Variants in CHD9 observed in about 807,000 individuals in gnomAD.
The protein encoded by CHD9 is chromodomain helicase DNA binding protein 9.
A neutral mutation model predicts 316.1 loss-of-function variants in CHD9; 77 were observed. The ratio of observed to expected loss-of-function variants is 0.24; its 90% CI spans 0.20 to 0.29. CHD9 has a LOEUF of 0.29. Among genes scored for constraint, CHD9 ranks in the 10% least tolerant of loss-of-function variants. CHD9 has a pLI of 1.00. For synonymous variants in CHD9, 1,129 were observed against 1,158.3 expected (o/e 0.97, Z 0.51); for missense variants, 2,763 against 3,438.1 (o/e 0.80, Z 4.91).
At position 53,247,329 on chromosome 16, in the gene CHD9, C is replaced by T; in HGVS notation, c.3491C>T (p.Thr1164Ile). The change falls in exon 16 of 39, where the codon ACT (threonine) becomes ATT (isoleucine). Residue 1164 changes from threonine (T) to isoleucine (I), a missense_variant. Transcript: ENST00000447540. ...AAAATACTTGGAGAATTTAGAGATA[C>T]TTACAATCCAGCTGCTTCTGATTTT... The part of the protein sequence containing the change: ...EEKILGEFRD[T>I]YNPAASDFHL... 6.2e-7 allele frequency: 1 copy of T among 1,604,648 alleles called. No individual in the cohort carries two copies. The highest frequency in any genetic ancestry group is 8.5e-7 in the Non-Finnish European group (1 of 1,174,830).
At chr16:53,099,907 AAGTT>A (rs2036701564) in intron 1 of CHD9, among the ~76,000 whole-genome samples, 1 of 152,170 alleles carries the variant, frequency 6.6e-6, no homozygotes, top group Non-Finnish European at 1.5e-5. Flanking sequence ...TGGAAATGGA[AAGTT>A]AGGAGGCTGG....
intron 2 of CHD9, among the ~76,000 whole-genome samples, chr16:53,159,358 A>G (rs1162272551): frequency 6.6e-6 from 1 of 152,170 alleles, no homozygotes; most frequent in East Asian, 1.9e-4. Context: ...ACTTTCTACA[A>G]TTTTGTCGTG....
chr16:53,176,513 A>C (rs34880746), intron 2 of CHD9, among the ~76,000 whole-genome samples: 18,425 of 152,242 alleles, frequency 0.12, 1,297 homozygotes, highest in South Asian at 0.23. Context: ...TTGAATAATC[A>C]GGCCATTATT....
intron 1 of CHD9, among the ~76,000 whole-genome samples, chr16:53,083,420 A>G (rs894425186): frequency 3.9e-5 from 6 of 152,190 alleles, no homozygotes; most frequent in Non-Finnish European, 8.8e-5. Flanking sequence ...CAGCAAAAAG[A>G]TAATGCCAGA....
chr16:53,100,453 CT>C (rs61450186), intron 1 of CHD9, among the ~76,000 whole-genome samples: 17,845 of 129,584 alleles, frequency 0.14, 2,003 homozygotes, highest in African/African-American at 0.31. Context: ...ACTCATTCGT[CT>C]TTTTTTTTTT....
chr16:53,183,481 G>A (rs2043706150), intron 2 of CHD9, among the ~76,000 whole-genome samples: 1 of 152,170 alleles, frequency 6.6e-6, no homozygotes, highest in Admixed American at 6.5e-5. Context: ...GAGATTTGAA[G>A]CAAAAGAAGG....
At chr16:53,276,322 T>C (rs2052816996) in intron 24 of CHD9, among the ~76,000 whole-genome samples, 1 of 152,220 alleles carries the variant, frequency 6.6e-6, no homozygotes, top group African/African-American at 2.4e-5. Flanking sequence ...GCTGAATGAC[T>C]AACTTCAAAT....
At chr16:53,228,626 C>A (rs1044152304) in intron 7 of CHD9, among the ~76,000 whole-genome samples, 1 of 148,694 alleles carries the variant, frequency 6.7e-6, no homozygotes, top group Non-Finnish European at 1.5e-5. Context: ...CGGCTCACTG[C>A]AAGCTCGAAA....
chr16:53,284,411 T>C (rs965457904), intron 24 of CHD9, among the ~76,000 whole-genome samples: 1 of 151,756 alleles, frequency 6.6e-6, no homozygotes, highest in Non-Finnish European at 1.5e-5. Context: ...GTTGTGTGTA[T>C]ATAAATTGAT....
intron 1 of CHD9, among the ~76,000 whole-genome samples, chr16:53,109,493 C>T (rs2152605359): frequency 6.7e-6 from 1 of 150,182 alleles, no homozygotes; most frequent in South Asian, 2.1e-4. Flanking sequence ...CCACCATGCC[C>T]AGGCTAATTT....
At chr16:53,286,670 T>C (rs117473949) in intron 26 of CHD9, among the ~76,000 whole-genome samples, 1,559 of 152,298 alleles carry the variant, frequency 0.01, 21 homozygotes, top group Non-Finnish European at 0.012. Context: ...ATGAGACATA[T>C]GATGACATTT....
intron 27 of CHD9, among the ~76,000 whole-genome samples, chr16:53,288,771 T>C (rs1439207049): frequency 6.6e-6 from 1 of 152,168 alleles, no homozygotes; most frequent in African/African-American, 2.4e-5. Flanking sequence ...TCACGGACTT[T>C]GGGTAAGAAA....
At chr16:53,251,045 T>C (rs2050086216) in intron 17 of CHD9, among the ~76,000 whole-genome samples, 1 of 152,214 alleles carries the variant, frequency 6.6e-6, no homozygotes, top group Non-Finnish European at 1.5e-5. Context: ...CTTTAAAATA[T>C]CAAAAGATTA....
intron 2 of CHD9, among the ~76,000 whole-genome samples, chr16:53,176,071 G>C (rs2043078032): frequency 6.6e-6 from 1 of 152,168 alleles, no homozygotes; most frequent in African/African-American, 2.4e-5. Context: ...AGGTGTCTTA[G>C]AACAACACAT....
intron 1 of CHD9, among the ~76,000 whole-genome samples, chr16:53,128,106 G>C (rs2039053947): frequency 1.3e-5 from 2 of 152,180 alleles, no homozygotes; most frequent in South Asian, 4.1e-4. Flanking sequence ...CATAGCACAG[G>C]CTTTCTGGAT....
intron 1 of CHD9, among the ~76,000 whole-genome samples, chr16:53,083,337 C>T (rs901084443): frequency 1.2e-4 from 19 of 152,206 alleles, no homozygotes; most frequent in African/African-American, 3.9e-4. Flanking sequence ...AATTTCTCCT[C>T]TTATCGTCTC....
chr16:53,083,270 C>T (rs892314343), intron 1 of CHD9, among the ~76,000 whole-genome samples: 4 of 152,180 alleles, frequency 2.6e-5, no homozygotes, highest in African/African-American at 4.8e-5. Flanking sequence ...CCCAGACATT[C>T]CTGGACACAC....
At chr16:53,076,167 A>G (rs2034503878) in intron 1 of CHD9, among the ~76,000 whole-genome samples, 1 of 152,154 alleles carries the variant, frequency 6.6e-6, no homozygotes, top group Admixed American at 6.5e-5. Context: ...TCCATCAGAT[A>G]TATGATTTAT....
At chr16:53,127,951 A>AG (rs2039047049) in intron 1 of CHD9, among the ~76,000 whole-genome samples, 1 of 151,804 alleles carries the variant, frequency 6.6e-6, no homozygotes, top group South Asian at 2.1e-4. Flanking sequence ...AAAAAAAAAA[A>AG]AAAAAAAAGC....
Sources: gnomAD v4.1 joint callset for allele counts (sites outside exome capture counted in the v4.1 genomes callset) on GRCh38, gnomAD v4.1.1 for gene constraint, MANE v1.5 for transcripts, NCBI Gene and HGNC (gene_info 2026-07-23, HGNC 2026-07-21) for gene names.